LIMA1: variants seen among roughly 807,000 people sequenced by gnomAD.
LIMA1 encodes the protein LIM domain and actin binding 1, also known as LIM domain and actin-binding protein 1.
In LIMA1, 52 loss-of-function variants were observed where a neutral mutation model predicts 62.6. That is an observed-to-expected ratio of 0.83 (90% CI 0.67 to 1.05). LIMA1 has a LOEUF of 1.05. Ranked by LOEUF, LIMA1 falls within the 50% of genes least tolerant of loss-of-function variation. LIMA1 has a pLI of 0.00. For missense variants in LIMA1, 780 were observed against 902.2 expected, an observed-to-expected ratio of 0.86 and a Z score of 1.74; for synonymous variants, 302 against 317.8, an observed-to-expected ratio of 0.95 and a Z score of 0.53.
chr12:50,253,723 T>C (rs2138653038), intron 1 of LIMA1, among the ~76,000 whole-genome samples: 1 of 152,268 alleles, frequency 6.6e-6, no homozygotes, highest in Non-Finnish European at 1.5e-5. Flanking sequence ...TTCATTGGCC[T>C]GCATTAAAGG....
At chr12:50,204,339 G>A (rs746522642) in intron 6 of LIMA1, 6 of 441,456 alleles carry the variant, frequency 1.4e-5, no homozygotes, top group Admixed American at 3.9e-5. Context: ...AAAAAAGTGA[G>A]TGGGGTGGGA....
chr12:50,177,583 T>C lies in LIMA1; in HGVS notation c.1761A>G (p.Arg587=). The C allele has an allele frequency of 6.2e-7, 1 of 1,611,704 alleles. No homozygotes were observed. The highest frequency in any genetic ancestry group is 8.5e-7 in the Non-Finnish European group (1 of 1,178,998). ...AAGCTGCTACAGTGAATGGGCGGCTTCTTTCCTTCAGTGAAGAAGATCGTC... is the reference window on the plus strand; with the variant it reads ...AAGCTGCTACAGTGAATGGGCGGCTCCTTTCCTTCAGTGAAGAAGATCGTC... ...KLRRSSSLKE[R]SRPFTVAASF... Residue 587 remains arginine, a synonymous_variant, in exon 11 of 11, where the codon AGA becomes AGG. Coordinates refer to ENST00000341247, the MANE Select transcript of LIMA1 (RefSeq NM_016357.5).
chr12:50,221,328 T>TATA (rs2138553056), intron 4 of LIMA1, among the ~76,000 whole-genome samples: 1 of 152,280 alleles, frequency 6.6e-6, no homozygotes, highest in African/African-American at 2.4e-5. Context: ...TGGATTGTGT[T>TATA]ATAAATCACC....
chr12:50,239,055 A>G (rs1242933820), intron 2 of LIMA1, among the ~76,000 whole-genome samples: 2 of 152,236 alleles, frequency 1.3e-5, no homozygotes, highest in Non-Finnish European at 2.9e-5. Flanking sequence ...TTCGAGAAAT[A>G]CTTATTGCTG....
chr12:50,181,854 C>T lies in LIMA1; in HGVS notation c.1274+50G>A, dbSNP rs750106026. 1.9e-6 allele frequency: 3 copies of T among 1,605,320 alleles called. No individual in the cohort carries two copies. The Admixed American group carries it at 5.0e-5, about 27-fold the overall frequency. On this transcript the variant is annotated intron_variant, in intron 10 of 10. Coordinates refer to ENST00000341247, the MANE Select transcript of LIMA1 (RefSeq NM_016357.5). ...ACCAGTGCTCTAAAAGCCAAAGACT[C>T]CCTCTAGAGTTCCAGTTATAGACAG...
At chr12:50,204,772 T>C (rs1941121755) in intron 5 of LIMA1, 72 bp from the exon 6 acceptor site, 1 of 1,460,780 alleles carries the variant, frequency 6.8e-7, no homozygotes, top group African/African-American at 1.4e-5. Flanking sequence ...CAGGCTGAAG[T>C]GCAGTGGCAC....
chr12:50,231,833 T>A, intron 2 of LIMA1, 123 bp from the exon 3 acceptor site: 1 of 863,496 alleles, frequency 1.2e-6, no homozygotes, highest in South Asian at 1.6e-5. Flanking sequence ...AGTGGTGCGA[T>A]CTCGGCTCAC....
At chr12:50,181,409 A>G (rs143084403) in intron 10 of LIMA1, among the ~76,000 whole-genome samples, 13 of 152,328 alleles carry the variant, frequency 8.5e-5, no homozygotes, top group African/African-American at 3.1e-4. Flanking sequence ...GATTTGTCAC[A>G]TTTATATTTG....
chr12:50,208,641 C>T (rs755664300), intron 4 of LIMA1, among the ~76,000 whole-genome samples: 1 of 152,110 alleles, frequency 6.6e-6, no homozygotes, highest in Non-Finnish European at 1.5e-5. Flanking sequence ...CAGAGTGTGA[C>T]CCTGTCTCAA....
chr12:50,271,421 T>C (rs1942210597), intron 1 of LIMA1, among the ~76,000 whole-genome samples: 2 of 152,186 alleles, frequency 1.3e-5, no homozygotes, highest in Admixed American at 6.5e-5. Flanking sequence ...TTAATAAAAT[T>C]TGTTATTTGC....
In LIMA1 at chr12:50,177,101, C is replaced by T; in HGVS notation, c.2243G>A (p.Arg748Lys). The T allele has an allele frequency of 1.2e-6, 2 of 1,600,712 alleles. No homozygotes were observed. The highest frequency in any genetic ancestry group is 1.7e-6 in the Non-Finnish European group (2 of 1,174,712). The change falls in exon 11 of 11, where the codon AGA (arginine) becomes AAA (lysine). Residue 748 changes from arginine (R) to lysine (K), a missense_variant. Physicochemically the swap from Arg to Lys is conservative, Grantham distance 26. Coordinates refer to ENST00000341247, the MANE Select transcript of LIMA1 (RefSeq NM_016357.5). The stretch of plus-strand genomic sequence containing the variant: ...CTCATCCTCATCATAATACCGATTT[C>T]TCTTTATCTGTTCTTCCACAGAGAG... ...KELSVEEQIK[R>K]NRYYDEDEDE...
intron 10 of LIMA1, among the ~76,000 whole-genome samples, chr12:50,180,261 C>T (rs1167693289): frequency 6.6e-6 from 1 of 151,316 alleles, no homozygotes; most frequent in Non-Finnish European, 1.5e-5. Flanking sequence ...CATCATCCCA[C>T]TGCACTCCAG....
At chr12:50,214,676 T>A (rs1309482741) in intron 4 of LIMA1, among the ~76,000 whole-genome samples, 2 of 152,160 alleles carry the variant, frequency 1.3e-5, no homozygotes, top group Non-Finnish European at 2.9e-5. Context: ...TGTGGTGGCA[T>A]GCGCCTGTAA....
rs781591056 is a variant in LIMA1, at chr12:50,222,660, G to GCCT, written c.166-176_166-175insAGG. Reference sequence around the variant, plus strand: ...GGAGAAAGCATCCACCCGGCAGAGGGAGAGGGAGAGGGGAAGAGAGAAAAA... The same window carrying GCCT: ...GGAGAAAGCATCCACCCGGCAGAGGGCCTAGAGGGAGAGGGGAAGAGAGAAAAA... On this transcript the variant is annotated intron_variant, in intron 3 of 10. Coordinates refer to ENST00000341247, the MANE Select transcript of LIMA1 (RefSeq NM_016357.5). The GCCT allele has an allele frequency of 1.4e-5, 21 of 1,519,396 alleles. No homozygotes were observed. In the South Asian group the frequency reaches 1.8e-4, roughly 13 times the overall value. The allele number at this position is 1,519,396 out of a possible 1,614,324, so 94.1% of individuals were successfully genotyped here. A position where few individuals can be genotyped will look rare whatever the true frequency, so the allele number is the denominator to read the frequency against.
At chr12:50,190,338 C>A (rs985982095) in intron 9 of LIMA1, 5 of 150,820 alleles carry the variant, frequency 3.3e-5, no homozygotes, top group East Asian at 2.0e-4. Flanking sequence ...TAATGTTATA[C>A]CCTTAGTATA....
intron 2 of LIMA1, among the ~76,000 whole-genome samples, chr12:50,245,860 T>G (rs1262385863): frequency 1.3e-5 from 2 of 151,830 alleles, no homozygotes; most frequent in African/African-American, 4.8e-5. Context: ...TGAGAAACAA[T>G]GAATGGGAAA....
intron 9 of LIMA1, chr12:50,186,665 G>T (rs1011705716): frequency 2.6e-5 from 4 of 152,128 alleles, no homozygotes; most frequent in Non-Finnish European, 4.4e-5. Flanking sequence ...GCTATATAAA[G>T]GATATTTTCT....
In LIMA1 at chr12:50,190,696, T is replaced by C. The variant is rs199977752; in HGVS notation, c.1140+1756A>G. Among the ~76,000 whole-genome samples, 106 of 19,508 alleles carry C rather than the reference T, an allele frequency of 5.4e-3. 3 individuals carry two copies. Among genetic ancestry groups the C allele is most frequent in the East Asian group, 0.022 (1 of 46 alleles). The allele number at this position is 19,508 out of a possible 152,430, so 12.8% of individuals were successfully genotyped here. The stretch of plus-strand genomic sequence containing the variant: ...CACCCGGCCTCATTTTTTTTTTTTT[T>C]TTTTTTTTTTTTTTTTTTTTTTCAG... On this transcript the variant is annotated intron_variant, in intron 9 of 10. Transcript: ENST00000341247.
At chr12:50,233,471 G>A (rs1476468672) in intron 2 of LIMA1, among the ~76,000 whole-genome samples, 2 of 152,204 alleles carry the variant, frequency 1.3e-5, no homozygotes, top group African/African-American at 4.8e-5. Context: ...TGAATTTAGT[G>A]TAAGTTATTG....
Sources: allele counts gnomAD v4.1 joint callset (sites outside exome capture counted in the v4.1 genomes callset), GRCh38; gene constraint gnomAD v4.1.1; transcripts MANE v1.5; gene names NCBI Gene and HGNC (gene_info 2026-07-23, HGNC 2026-07-21).